The following FRMD6 variants were observed in gnomAD, a reference collection of about 807,000 sequenced individuals.
FRMD6 encodes FERM domain-containing protein 6.
A neutral mutation model predicts 73.2 loss-of-function variants in FRMD6; 37 were observed. The observed-to-expected ratio is 0.51, with a 90% CI of 0.39 to 0.66. FRMD6 has a LOEUF of 0.66. Among genes scored for constraint, FRMD6 ranks in the 30% least tolerant of loss-of-function variants. The probability of loss-of-function intolerance (pLI) is 0.00; values close to 1 mark genes in which losing one functional copy is unlikely to be tolerated. For synonymous variants in FRMD6, 273 were observed against 282.2 expected (o/e 0.97, Z 0.33); for missense variants, 714 against 780.5 (o/e 0.91, Z 1.02).
intron 2 of FRMD6, among the ~76,000 whole-genome samples, chr14:51,593,021 A>G (rs1443986342): frequency 6.6e-6 from 1 of 152,202 alleles, no homozygotes; most frequent in Non-Finnish European, 1.5e-5. Flanking sequence ...GGCAGAGCTG[A>G]TGGTTATGTG....
At chr14:51,544,789 C>G (rs1886381047) in intron 1 of FRMD6, among the ~76,000 whole-genome samples, 1 of 151,742 alleles carries the variant, frequency 6.6e-6, no homozygotes, top group Admixed American at 6.6e-5. Context: ...TGTAGTCAAG[C>G]CTGCATAAGG....
At chr14:51,708,455 T>A (rs1192547626) in intron 7 of FRMD6, 2 of 411,400 alleles carry the variant, frequency 4.9e-6, no homozygotes, top group East Asian at 8.5e-5. Context: ...TTTTTAATGG[T>A]TCTAATAGTG....
the FRMD6 span, chr14:51,436,015 G>C: frequency 6.1e-6 from 1 of 163,642 alleles, no homozygotes; most frequent in Admixed American, 6.5e-5. Flanking sequence ...CCTGTGGTCT[G>C]GTTCTTGGAC....
At chr14:51,585,937 G>GTATATATATATATATA (rs1326327173) in intron 2 of FRMD6, among the ~76,000 whole-genome samples, 3 of 11,152 alleles carry the variant, frequency 2.7e-4, no homozygotes, top group African/African-American at 6.6e-4. Flanking sequence ...GTGTGTGTGT[G>GTATATATATATATATA]TGTATATATA....
At chr14:51,651,602 C>T (rs1293056843), upstream of FRMD6, 1 of 152,276 alleles carries the variant, frequency 6.6e-6, no homozygotes, top group Non-Finnish European at 1.5e-5. Context: ...CCGCGTCCAC[C>T]TGAGGCTCGC....
At chr14:51,402,741 C>A in the FRMD6 span, among the ~76,000 whole-genome samples, 4 of 151,810 alleles carry the variant, frequency 2.6e-5, no homozygotes, top group Admixed American at 2.6e-4. Flanking sequence ...CGGGTTCACG[C>A]CATTCTCCTG....
the FRMD6 span, among the ~76,000 whole-genome samples, chr14:51,413,563 T>C: frequency 6.6e-6 from 1 of 152,250 alleles, no homozygotes; most frequent in East Asian, 1.9e-4. Flanking sequence ...CTATCATTGA[T>C]GGACATTTGG....
chr14:51,409,887 C>T, the FRMD6 span, among the ~76,000 whole-genome samples: 1 of 152,046 alleles, frequency 6.6e-6, no homozygotes, highest in African/African-American at 2.4e-5. Flanking sequence ...CCACGCCCGG[C>T]CCAACGCAGT....
intron 1 of FRMD6, among the ~76,000 whole-genome samples, chr14:51,499,227 G>T (rs564827855): frequency 3.3e-5 from 5 of 152,326 alleles, no homozygotes; most frequent in Non-Finnish European, 5.9e-5. Context: ...CGGAGATGTT[G>T]ACTCTCAGCA....
intron 2 of FRMD6, among the ~76,000 whole-genome samples, chr14:51,629,984 G>A (rs1891276822): frequency 6.6e-6 from 1 of 152,088 alleles, no homozygotes; most frequent in Non-Finnish European, 1.5e-5. Flanking sequence ...GCCTTGCTAT[G>A]TTGCTTAGGC....
the FRMD6 span, among the ~76,000 whole-genome samples, chr14:51,472,031 C>A: frequency 6.6e-6 from 1 of 152,202 alleles, no homozygotes; most frequent in Non-Finnish European, 1.5e-5. Context: ...CCCTATGAGG[C>A]AACTGGACCT....
chr14:51,622,623 A>G (rs941110493), intron 2 of FRMD6, among the ~76,000 whole-genome samples: 4 of 152,006 alleles, frequency 2.6e-5, no homozygotes, highest in African/African-American at 7.3e-5. Context: ...TCCCTAACCA[A>G]CCCCCAACAC....
At chr14:51,643,831 T>G (rs780370495) in intron 2 of FRMD6, 23 of 152,176 alleles carry the variant, frequency 1.5e-4, no homozygotes, top group Non-Finnish European at 2.9e-4. Flanking sequence ...ACTCAAACTA[T>G]TCTGTTCCCA....
At chr14:51,456,493 T>C in the FRMD6 span, among the ~76,000 whole-genome samples, 2 of 152,252 alleles carry the variant, frequency 1.3e-5, no homozygotes, top group East Asian at 1.9e-4. Context: ...ATCCTTTTTT[T>C]ACAGCTGCAT....
At chr14:51,504,525 C>A (rs1016329677) in intron 1 of FRMD6, among the ~76,000 whole-genome samples, 1 of 152,208 alleles carries the variant, frequency 6.6e-6, no homozygotes, top group Admixed American at 6.5e-5. Context: ...ATTTTTCAGT[C>A]GCTGACACAG....
intron 10 of FRMD6, among the ~76,000 whole-genome samples, chr14:51,716,230 G>C (rs1175961999): frequency 2.6e-5 from 4 of 151,596 alleles, no homozygotes; most frequent in Non-Finnish European, 5.9e-5. Context: ...GTGGCACCCT[G>C]GATTTCCTCC....
chr14:51,642,656 A>C (rs1470917613), intron 2 of FRMD6, among the ~76,000 whole-genome samples: 1 of 152,212 alleles, frequency 6.6e-6, no homozygotes, highest in Non-Finnish European at 1.5e-5. Flanking sequence ...CTGGTGCCTC[A>C]TCAGGTGTGG....
chr14:51,462,582 G>A, the FRMD6 span, among the ~76,000 whole-genome samples: 1 of 152,164 alleles, frequency 6.6e-6, no homozygotes, highest in Non-Finnish European at 1.5e-5. Flanking sequence ...ATCAAGAGGT[G>A]AGGGTTCCTG....
intron 2 of FRMD6, among the ~76,000 whole-genome samples, chr14:51,605,558 T>G (rs1013921808): frequency 6.6e-6 from 1 of 152,140 alleles, no homozygotes; most frequent in Non-Finnish European, 1.5e-5. Context: ...AAAAGATGTA[T>G]GCTCTACTTG....
Sources: allele counts gnomAD v4.1 joint callset (sites outside exome capture counted in the v4.1 genomes callset), GRCh38; gene constraint gnomAD v4.1.1; transcripts MANE v1.5; gene names NCBI Gene and HGNC (gene_info 2026-07-23, HGNC 2026-07-21).